BCAT1: variants seen among roughly 807,000 people sequenced by gnomAD.
BCAT1 encodes the protein branched-chain-amino-acid aminotransferase, cytosolic.
Under a neutral mutation model 52.4 loss-of-function variants are expected in BCAT1, and 48 were observed. The observed-to-expected ratio is 0.92, with a 90% CI of 0.73 to 1.16. BCAT1 has a LOEUF of 1.16. BCAT1 is among the 50% of genes most tolerant of loss of function. The pLI, the probability that BCAT1 is intolerant of heterozygous loss-of-function variation, is 0.00. For missense variants in BCAT1, 451 were observed against 457.1 expected (o/e 0.99, Z 0.12); for synonymous variants, 167 against 161.3 (o/e 1.04, Z -0.27).
rs993047994 is a variant in BCAT1 at position 24,811,462 on chromosome 12, ACAATTATTC to A, written c.*6537_*6545del. ...AGAATGTGTCTATTGCCAGCAAAAT[ACAATTATTC>A]CATGCCCTCTCAACATACAAATATA... On this transcript the variant is annotated 3_prime_UTR_variant, in exon 11 of 11. Transcript: ENST00000261192. 3.3e-5 allele frequency: 5 copies of A among 152,180 alleles called. No individual in the cohort carries two copies. Among genetic ancestry groups the A allele is most frequent in the African/African-American group, 1.2e-4 (5 of 41,444 alleles). 9.4% of individuals were successfully genotyped at this position (152,180 alleles called of 1,614,324 possible).
intron 5 of BCAT1, among the ~76,000 whole-genome samples, chr12:24,865,314 C>G (rs1941974617): frequency 6.6e-6 from 1 of 152,200 alleles, no homozygotes; most frequent in African/African-American, 2.4e-5. Flanking sequence ...ATCTTAGTAA[C>G]TGATTACTAT....
At chr12:24,820,175 G>A (rs921663148) in intron 10 of BCAT1, among the ~76,000 whole-genome samples, 10 of 152,092 alleles carry the variant, frequency 6.6e-5, no homozygotes, top group Admixed American at 1.3e-4. Flanking sequence ...AATGACAGTC[G>A]TAGGCCACAT....
chr12:24,871,272 C>G (rs1942178322), intron 5 of BCAT1, among the ~76,000 whole-genome samples: 1 of 152,104 alleles, frequency 6.6e-6, no homozygotes, highest in South Asian at 2.1e-4. Flanking sequence ...GTATGATTTT[C>G]CAGCTGTTCA....
At position 24,859,564 on chromosome 12, in the gene BCAT1, T is replaced by C. The variant is rs561955364; in HGVS notation, c.511-9615A>G. On this transcript the variant is annotated intron_variant, in intron 5 of 10. Transcript: ENST00000261192. Reference sequence around the variant, plus strand: ...TGAACCCGGGAGACGGAGCTTGCAGTGAGCCGAGATGGCGCCACTGAACTC... The same window carrying C: ...TGAACCCGGGAGACGGAGCTTGCAGCGAGCCGAGATGGCGCCACTGAACTC... Among the ~76,000 whole-genome samples, 224 of 134,832 alleles carry C rather than the reference T, an allele frequency of 1.7e-3. No individual in the cohort carries two copies. In the Middle Eastern group the frequency reaches 0.021, roughly 13 times the overall value. The allele number at this position is 134,832 out of a possible 152,430, so 88.5% of individuals were successfully genotyped here.
intron 1 of BCAT1, among the ~76,000 whole-genome samples, chr12:24,916,019 A>T (rs1846581): frequency 0.63 from 95,698 of 151,788 alleles, 34,148 homozygotes; most frequent in Non-Finnish European, 0.82. Flanking sequence ...ATTAGCTGGG[A>T]GTAGCAACAC....
At chr12:24,827,864 G>A (rs1182767673) in intron 10 of BCAT1, among the ~76,000 whole-genome samples, 2 of 152,178 alleles carry the variant, frequency 1.3e-5, no homozygotes, top group African/African-American at 4.8e-5. Context: ...AACTTGCTGA[G>A]TAAGTCTCTT....
chr12:24,819,563 G>T (rs1940027201), intron 10 of BCAT1, among the ~76,000 whole-genome samples: 1 of 152,076 alleles, frequency 6.6e-6, no homozygotes, highest in Non-Finnish European at 1.5e-5. Context: ...TTTAATCCAA[G>T]CTTCTCATCT....
chr12:24,949,020 G>T lies in BCAT1; in HGVS notation c.-88C>A. 7.0e-7 allele frequency: 1 copy of T among 1,420,770 alleles called. No homozygotes were observed. The highest frequency in any genetic ancestry group is 9.7e-7 in the Non-Finnish European group (1 of 1,032,492). The allele number at this position is 1,420,770 out of a possible 1,614,324, so 88.0% of individuals were successfully genotyped here. ...CCTGGCCGTGTGGACCGGGTCTGCG[G>T]CTGCAGAGCGCGGTCCCGGCTGCAG... On this transcript the variant is annotated 5_prime_UTR_variant, in exon 1 of 11. Coordinates refer to ENST00000261192, the MANE Select transcript of BCAT1 (RefSeq NM_005504.7).
chr12:24,919,373 T>C (rs1565498963), intron 1 of BCAT1, among the ~76,000 whole-genome samples: 1 of 152,182 alleles, frequency 6.6e-6, no homozygotes, highest in Non-Finnish European at 1.5e-5. Flanking sequence ...GAAGATTTTG[T>C]TTTAAGCTGT....
intron 7 of BCAT1, among the ~76,000 whole-genome samples, chr12:24,841,551 G>C (rs955362958): frequency 3.3e-5 from 5 of 152,100 alleles, no homozygotes; most frequent in African/African-American, 1.2e-4. Context: ...TCAATAATCA[G>C]TACATCTAGA....
intron 7 of BCAT1, among the ~76,000 whole-genome samples, chr12:24,839,319 A>G (rs964412426): frequency 6.6e-6 from 1 of 152,212 alleles, no homozygotes; most frequent in African/African-American, 2.4e-5. Flanking sequence ...GAGTGCTCCA[A>G]GTCGAGTCCG....
Position 24,842,125 on chromosome 12 carries a change from C to T in BCAT1, c.774G>A (p.Val258=). 1 of 1,613,824 alleles carries T rather than the reference C, an allele frequency of 6.2e-7. No homozygotes were observed. Among genetic ancestry groups the T allele is most frequent in the Non-Finnish European group, 8.5e-7 (1 of 1,179,782 alleles). ...LYGEDHQITE[V]GTMNLFLYWI... The stretch of plus-strand genomic sequence containing the variant: ...AGTAAAGAAAAAGATTCATAGTTCC[C>T]ACTTCAGTGATCTGATGGTCCTCTC... The change falls in exon 7 of 11, where the codon GTG becomes GTA. Residue 258 remains valine, a synonymous_variant. Transcript: ENST00000261192.
chr12:24,911,062 C>T (rs901893053), intron 1 of BCAT1, among the ~76,000 whole-genome samples: 1 of 150,576 alleles, frequency 6.6e-6, no homozygotes, highest in African/African-American at 2.5e-5. Flanking sequence ...CAAGATCGCA[C>T]TACTGACTCC....
chr12:24,878,499 A>G, intron 5 of BCAT1, 31 bp downstream of exon 5: 1 of 1,590,704 alleles, frequency 6.3e-7, no homozygotes, highest in Non-Finnish European at 8.6e-7. Context: ...TTGCCCAGCA[A>G]AGTACCCCAA....
At chr12:24,911,884 CAATT>C (rs759366228) in intron 1 of BCAT1, among the ~76,000 whole-genome samples, 6 of 152,280 alleles carry the variant, frequency 3.9e-5, no homozygotes, top group South Asian at 4.1e-4. Flanking sequence ...GTGTGGAAAA[CAATT>C]AAGCTTATAA....
At chr12:24,820,922 G>GC (rs1940096677) in intron 10 of BCAT1, among the ~76,000 whole-genome samples, 1 of 152,150 alleles carries the variant, frequency 6.6e-6, no homozygotes, top group Non-Finnish European at 1.5e-5. Context: ...TATAGTCAGT[G>GC]CTGCCTACCA....
intron 5 of BCAT1, among the ~76,000 whole-genome samples, chr12:24,863,897 C>G (rs1181738595): frequency 6.6e-6 from 1 of 151,974 alleles, no homozygotes; most frequent in East Asian, 1.9e-4. Context: ...CACCACTGTA[C>G]TCCAGCCTGG....
chr12:24,875,927 G>A (rs2139579154), intron 5 of BCAT1, among the ~76,000 whole-genome samples: 2 of 152,240 alleles, frequency 1.3e-5, no homozygotes, highest in South Asian at 4.1e-4. Context: ...TCCTTAAGGT[G>A]AAAATGCATT....
intron 9 of BCAT1, among the ~76,000 whole-genome samples, chr12:24,831,361 T>C (rs12816228): frequency 0.14 from 21,424 of 152,172 alleles, 1,912 homozygotes; most frequent in Middle Eastern, 0.23. Flanking sequence ...TCAAAAGTTA[T>C]ATGTGGGCCG....
Sources: allele counts gnomAD v4.1 joint callset (sites outside exome capture counted in the v4.1 genomes callset), GRCh38; gene constraint gnomAD v4.1.1; transcripts MANE v1.5; gene names NCBI Gene and HGNC (gene_info 2026-07-23, HGNC 2026-07-21).